The following GAD1 variants were observed in gnomAD, a reference collection of about 807,000 sequenced individuals.
GAD1 encodes glutamate decarboxylase 1.
In GAD1, 35 loss-of-function variants were observed where a neutral mutation model predicts 75.2. That is an observed-to-expected ratio of 0.47 (90% CI 0.36 to 0.62). The LOEUF is 0.62. Among genes scored for constraint, GAD1 ranks in the 20% least tolerant of loss-of-function variants. The pLI, the probability that GAD1 is intolerant of heterozygous loss-of-function variation, is 0.00. For synonymous variants in GAD1, 257 were observed against 271.9 expected, an observed-to-expected ratio of 0.95 and a Z score of 0.54; for missense variants, 490 against 758.5, an observed-to-expected ratio of 0.65 and a Z score of 4.16.
At chr2:170,845,808 T>G in intron 9 of GAD1, 23 bp downstream of exon 9, 1 of 1,606,408 alleles carries the variant, frequency 6.2e-7, no homozygotes, top group Non-Finnish European at 8.5e-7. Context: ...GGGTGAATAT[T>G]AGGTTCTTGA....
Position 170,829,579 on chromosome 2 carries a change from C to T in GAD1, c.250C>T (p.Arg84Trp), listed in dbSNP as rs753959745. The change falls in exon 4 of 17, where the codon CGG becomes TGG. Residue 84 changes from arginine (R) to tryptophan (W), a missense_variant. Arg to Trp is a moderately radical substitution (Grantham distance 101). This residue lies in a region of GAD1 where 165 missense variants were observed against 216.4 expected (regional missense o/e 0.76). Transcript: ENST00000358196. ...KNLLSCENSD[R>W]DARFRRTETD... Reference sequence around the variant, plus strand: ...CCTGCTTTCCTGTGAAAACAGCGACCGGGATGCCCGCTTCCGGCGCACAGA... The same window carrying T: ...CCTGCTTTCCTGTGAAAACAGCGACTGGGATGCCCGCTTCCGGCGCACAGA... 7.4e-6 allele frequency: 12 copies of T among 1,613,854 alleles called. No homozygotes were observed. The highest frequency in any genetic ancestry group is 2.2e-5 in the South Asian group (2 of 91,060).
At chr2:170,841,550 A>G (rs1702516513) in intron 6 of GAD1, among the ~76,000 whole-genome samples, 1 of 152,220 alleles carries the variant, frequency 6.6e-6, no homozygotes, top group East Asian at 1.9e-4. Flanking sequence ...AAAATAAAAT[A>G]AAATAAAGTT....
At chr2:170,817,232 C>CCT (rs1553572147) in intron 1 of GAD1, 184 bp downstream of exon 1, 1 of 112,132 alleles carries the variant, frequency 8.9e-6, no homozygotes, top group Admixed American at 8.6e-5. Context: ...GGGACCCCCC[C>CCT]CCCCCCGCCT....
chr2:170,832,651 TGCGCGC>T (rs764884035), intron 5 of GAD1, among the ~76,000 whole-genome samples: 235 of 136,914 alleles, frequency 1.7e-3, no homozygotes, highest in Non-Finnish European at 2.9e-3. Flanking sequence ...CAGGCACACA[TGCGCGC>T]GCGCGCGCAC....
rs1324739460 is a variant in GAD1 at position 170,858,891 on chromosome 2, A to G, written c.1609A>G (p.Lys537Glu). 2.5e-6 allele frequency: 4 copies of G among 1,613,780 alleles called. No individual in the cohort carries two copies. Among genetic ancestry groups the G allele is most frequent in the African/African-American group, 2.7e-5 (2 of 74,920 alleles). ...CCCTCAACGACGGGAAAAGCTACAC[A>G]AGGTATGGACTTGCTTTTTGTCTCA... ...DSPQRREKLH[K>E]VAPKIKALMM... Residue 537 changes from lysine (K) to glutamate (E), a missense_variant and splice_region_variant, in exon 16 of 17, where the codon AAG becomes GAG. Coordinates refer to ENST00000358196, the MANE Select transcript of GAD1 (RefSeq NM_000817.3).
In GAD1 at chr2:170,818,467, A is replaced by G. The variant is rs1021553254; in HGVS notation, c.-63-62A>G. On this transcript the variant is annotated intron_variant, in intron 1 of 16. Transcript: ENST00000358196. The surrounding 1 kb of genome is among the most constrained non-coding windows in gnomAD (Gnocchi z 5.9). ...GGAGCCTCCGTGCCCCCGGCTGCTC[A>G]GTCCCTCCGGTGTGCAGGACCCCGG... is the stretch of plus-strand genomic sequence containing the variant. 46 of 876,092 alleles carry G rather than the reference A, an allele frequency of 5.3e-5. No individual in the cohort carries two copies. In the East Asian group the frequency reaches 1.1e-3, roughly 21 times the overall value. 54.3% of individuals were successfully genotyped at this position (876,092 alleles called of 1,614,324 possible).
rs779805851 is a variant in GAD1 at position 170,829,542 on chromosome 2, ATCC to A, written c.217_219del (p.Ser73del). On this transcript the variant is annotated inframe_deletion, in exon 4 of 17. Coordinates refer to ENST00000358196, the MANE Select transcript of GAD1 (RefSeq NM_000817.3). The stretch of plus-strand genomic sequence containing the variant: ...TTGTGAGTGCCTTCAAGGAGAGGCA[ATCC>A]TCCAAGAACCTGCTTTCCTGTGAAA... 1 of 1,613,828 alleles carries A rather than the reference ATCC, an allele frequency of 6.2e-7. No homozygotes were observed. The highest frequency in any genetic ancestry group is 8.5e-7 in the Non-Finnish European group (1 of 1,180,016).
At chr2:170,844,228 T>C (rs1447762049) in intron 7 of GAD1, 71 bp downstream of exon 7, 4 of 918,312 alleles carry the variant, frequency 4.4e-6, no homozygotes, top group African/African-American at 1.6e-5. Flanking sequence ...AGTAGGTTTA[T>C]GGAAGAATAA....
intron 5 of GAD1, among the ~76,000 whole-genome samples, chr2:170,834,013 AGAG>A (rs750966898): frequency 3.4e-5 from 5 of 146,170 alleles, no homozygotes; most frequent in African/African-American, 7.8e-5. Flanking sequence ...AAAAAAAAAA[AGAG>A]AGAGAGAGAG....
intron 15 of GAD1, among the ~76,000 whole-genome samples, chr2:170,857,864 A>G (rs1702884889): frequency 6.6e-6 from 1 of 152,236 alleles, no homozygotes; most frequent in South Asian, 2.1e-4. Context: ...TATTGAACAA[A>G]ACAGATACAT....
At chr2:170,848,559 T>C (rs913470558) in intron 11 of GAD1, 2 of 391,054 alleles carry the variant, frequency 5.1e-6, no homozygotes, top group African/African-American at 4.3e-5. Context: ...AATAAGGCAG[T>C]ATACGGAAGG....
At chr2:170,842,881 T>C in intron 6 of GAD1, 1 of 651,740 alleles carries the variant, frequency 1.5e-6, no homozygotes, top group African/African-American at 1.8e-5. Flanking sequence ...ACAATAGTTA[T>C]CTCATCCTTA....
chr2:170,854,487 G>A (rs1369568173), intron 14 of GAD1, among the ~76,000 whole-genome samples: 1 of 141,466 alleles, frequency 7.1e-6, no homozygotes, highest in Non-Finnish European at 1.5e-5. Flanking sequence ...TGCAAGCTCC[G>A]CCTCCCAGGT....
upstream of GAD1, among the ~76,000 whole-genome samples, chr2:170,814,962 C>T (rs1184033768): frequency 6.6e-6 from 1 of 152,094 alleles, no homozygotes; most frequent in African/African-American, 2.4e-5. Flanking sequence ...AAGGTTGAGG[C>T]GAGCGGGCGT....
intron 2 of GAD1, among the ~76,000 whole-genome samples, chr2:170,820,096 T>A (rs972940837): frequency 6.6e-6 from 1 of 152,028 alleles, no homozygotes; most frequent in African/African-American, 2.4e-5. Context: ...CTGCGCGCCT[T>A]TGTGTGGTGC....
At chr2:170,819,178 T>C (rs1037446627) in intron 2 of GAD1, among the ~76,000 whole-genome samples, 1 of 152,082 alleles carries the variant, frequency 6.6e-6, no homozygotes, top group Non-Finnish European at 1.5e-5. Flanking sequence ...AGGTCCCTAA[T>C]TGCTCCAAAT....
rs1251877061 is a variant in GAD1 at position 170,852,807 on chromosome 2, C to G, written c.1263+15C>G. 7.5e-6 allele frequency: 12 copies of G among 1,608,432 alleles called. No homozygotes were observed. The highest frequency in any genetic ancestry group is 1.1e-5 in the South Asian group (1 of 90,978). ...TCAAGGAAAAGGTCTGTACTCCCTCCAAAGCTACACTGGGGCCCGTACGTT... is the reference window on the plus strand; with the variant it reads ...TCAAGGAAAAGGTCTGTACTCCCTCGAAAGCTACACTGGGGCCCGTACGTT... On this transcript the variant is annotated intron_variant, in intron 13 of 16. Coordinates refer to ENST00000358196, the MANE Select transcript of GAD1 (RefSeq NM_000817.3).
intron 2 of GAD1, among the ~76,000 whole-genome samples, chr2:170,819,893 C>T (rs1463133517): frequency 6.6e-6 from 1 of 152,164 alleles, no homozygotes; most frequent in Non-Finnish European, 1.5e-5. Flanking sequence ...CATTGGCTCC[C>T]GGGCAGGAGG....
At chr2:170,834,787 T>G (rs1385009175) in intron 5 of GAD1, among the ~76,000 whole-genome samples, 2 of 148,540 alleles carry the variant, frequency 1.3e-5, no homozygotes, top group African/African-American at 5.0e-5. Flanking sequence ...TTTTTTGAGA[T>G]GGAGTTTCAA....
Sources: gnomAD v4.1 joint callset for allele counts (sites outside exome capture counted in the v4.1 genomes callset) on GRCh38, gnomAD v4.1.1 for gene constraint, gnomAD v4.1.1 regional missense constraint, Gnocchi (gnomAD v3.1) non-coding constraint, MANE v1.5 for transcripts, NCBI Gene and HGNC (gene_info 2026-07-23, HGNC 2026-07-21) for gene names.